The following CCDC91 variants were observed in gnomAD, a reference collection of about 807,000 sequenced individuals.
CCDC91 encodes the protein coiled-coil domain containing 91.
In CCDC91, 48 loss-of-function variants were observed where a neutral mutation model predicts 63.2. The ratio of observed to expected loss-of-function variants is 0.76; its 90% CI spans 0.60 to 0.97. CCDC91 has a LOEUF of 0.97. CCDC91 is among the 50% of genes least tolerant of loss of function. CCDC91 has a pLI of 0.00. For synonymous variants in CCDC91, 167 were observed against 165.8 expected, an observed-to-expected ratio of 1.01 and a Z score of -0.06; for missense variants, 500 against 494.6, an observed-to-expected ratio of 1.01 and a Z score of -0.10.
rs60247849 is a variant in CCDC91, at chr12:28,218,699, TTGTGTGTG to T, written c.-15+28082_-15+28089del. Among the ~76,000 whole-genome samples, 1,091 of 146,622 alleles carry T rather than the reference TTGTGTGTG, an allele frequency of 7.4e-3. 17 individuals are homozygous for T. The highest frequency in any genetic ancestry group is 0.024 in the African/African-American group (965 of 39,976). ...AATATAAAAGGAACATTGCAGATGTTTGTGTGTGTGTGTGTGTGTGTGTGTGTGTGTAT... is the reference window on the plus strand; with the variant it reads ...AATATAAAAGGAACATTGCAGATGTTTGTGTGTGTGTGTGTGTGTGTGTAT... On this transcript the variant is annotated intron_variant, in intron 1 of 12. Transcript: ENST00000536442.
intron 3 of CCDC91, among the ~76,000 whole-genome samples, chr12:28,279,296 A>G (rs1481818064): frequency 6.6e-6 from 1 of 151,924 alleles, no homozygotes; most frequent in Non-Finnish European, 1.5e-5. Context: ...TCTTGTTTAT[A>G]TTTGTATCCT....
intron 12 of CCDC91, among the ~76,000 whole-genome samples, chr12:28,491,343 G>A (rs1457578816): frequency 6.6e-6 from 1 of 151,644 alleles, no homozygotes; most frequent in Non-Finnish European, 1.5e-5. Context: ...AAAGTTGTGC[G>A]AGACCAGAAG....
intron 6 of CCDC91, among the ~76,000 whole-genome samples, chr12:28,346,337 C>T (rs1252928955): frequency 6.6e-6 from 1 of 152,144 alleles, no homozygotes; most frequent in Non-Finnish European, 1.5e-5. Context: ...AATCAAGTTA[C>T]AGTTCGGTTT....
intron 6 of CCDC91, among the ~76,000 whole-genome samples, chr12:28,332,219 T>C (rs1211412978): frequency 2.0e-5 from 3 of 152,182 alleles, no homozygotes; most frequent in Non-Finnish European, 4.4e-5. Context: ...TGGGACTTAT[T>C]GCTTCAGTAA....
At chr12:28,507,014 A>G (rs952099624) in intron 12 of CCDC91, among the ~76,000 whole-genome samples, 9 of 151,962 alleles carry the variant, frequency 5.9e-5, no homozygotes, top group African/African-American at 2.2e-4. Flanking sequence ...ATGTGCAGAT[A>G]ATTTTTCTCT....
At chr12:28,470,316 A>G (rs1242890660) in intron 11 of CCDC91, among the ~76,000 whole-genome samples, 1 of 152,196 alleles carries the variant, frequency 6.6e-6, no homozygotes, top group African/African-American at 2.4e-5. Flanking sequence ...ACAAATGACA[A>G]AAACACATAT....
intron 3 of CCDC91, among the ~76,000 whole-genome samples, chr12:28,299,711 A>G (rs1937832718): frequency 6.6e-6 from 1 of 151,560 alleles, no homozygotes; most frequent in Non-Finnish European, 1.5e-5. Context: ...TCCTTCATAC[A>G]TTTCCTTTAC....
intron 12 of CCDC91, among the ~76,000 whole-genome samples, chr12:28,494,323 T>C (rs1332958958): frequency 1.3e-5 from 2 of 151,674 alleles, no homozygotes; most frequent in Admixed American, 1.3e-4. Flanking sequence ...GGTCACTTCG[T>C]AAATAGGTTA....
chr12:28,490,892 A>C (rs1951963834), intron 12 of CCDC91, among the ~76,000 whole-genome samples: 1 of 150,082 alleles, frequency 6.7e-6, no homozygotes, highest in Non-Finnish European at 1.5e-5. Flanking sequence ...GGACAATCAC[A>C]CACTTTGGTG....
chr12:28,247,011 T>C (rs1225695994), intron 1 of CCDC91, among the ~76,000 whole-genome samples: 4 of 152,232 alleles, frequency 2.6e-5, no homozygotes, highest in African/African-American at 4.8e-5. Context: ...AGAAGTCCTC[T>C]GATCAGCCTG....
At chr12:28,306,678 G>A (rs1342166536) in intron 4 of CCDC91, 64 bp from the exon 5 acceptor site, 4 of 1,153,970 alleles carry the variant, frequency 3.5e-6, no homozygotes, top group South Asian at 1.6e-5. Context: ...CCCTTTGGAT[G>A]TTTTCATTAT....
intron 3 of CCDC91, among the ~76,000 whole-genome samples, chr12:28,292,641 T>C (rs746933190): frequency 9.9e-5 from 15 of 152,084 alleles, no homozygotes; most frequent in Non-Finnish European, 2.2e-4. Context: ...TTTTAATAAA[T>C]AGTATTTTCA....
chr12:28,502,651 C>T (rs1409005831), intron 12 of CCDC91, among the ~76,000 whole-genome samples: 2 of 151,224 alleles, frequency 1.3e-5, no homozygotes, highest in Non-Finnish European at 3.0e-5. Context: ...AAGAACAAAG[C>T]TGGAGGCATC....
chr12:28,200,177 C>T (rs1942104411), intron 1 of CCDC91, among the ~76,000 whole-genome samples: 1 of 149,532 alleles, frequency 6.7e-6, no homozygotes, highest in African/African-American at 2.4e-5. Flanking sequence ...CTCAATTGAC[C>T]TATCTTCAAG....
At chr12:28,507,413 C>G (rs1327123546) in intron 12 of CCDC91, among the ~76,000 whole-genome samples, 16 of 151,936 alleles carry the variant, frequency 1.1e-4, no homozygotes, top group Non-Finnish European at 1.9e-4. Context: ...TAGTAGCCAC[C>G]CCCTAGTTGT....
At chr12:28,310,798 A>G (rs115415652) in intron 6 of CCDC91, among the ~76,000 whole-genome samples, 112 of 151,864 alleles carry the variant, frequency 7.4e-4, no homozygotes, top group African/African-American at 2.6e-3. Context: ...CATATCTTCC[A>G]TTCTGTGCTT....
chr12:28,544,949 G>A (rs1223529540), intron 12 of CCDC91, among the ~76,000 whole-genome samples: 2 of 152,004 alleles, frequency 1.3e-5, no homozygotes, highest in African/African-American at 4.8e-5. Flanking sequence ...ATTTTAGTAA[G>A]TAGTATGCTT....
intron 8 of CCDC91, among the ~76,000 whole-genome samples, chr12:28,401,229 G>A (rs752609901): frequency 1.4e-4 from 22 of 152,090 alleles, no homozygotes; most frequent in Non-Finnish European, 2.9e-4. Flanking sequence ...GCACGATTGC[G>A]GAGGCCTCAG....
intron 11 of CCDC91, among the ~76,000 whole-genome samples, chr12:28,464,568 G>A (rs1018397895): frequency 4.6e-5 from 7 of 152,162 alleles, no homozygotes; most frequent in Non-Finnish European, 1.0e-4. Context: ...GCTCCTGGGC[G>A]ACATTTCTAG....
Sources: allele counts gnomAD v4.1 joint callset (sites outside exome capture counted in the v4.1 genomes callset), GRCh38; gene constraint gnomAD v4.1.1; transcripts MANE v1.5; gene names NCBI Gene and HGNC (gene_info 2026-07-23, HGNC 2026-07-21).